Variants in ZNF423 observed in about 807,000 individuals in gnomAD.
ZNF423 encodes zinc finger protein 423, also known as Ebf-associated zinc finger protein.
A neutral mutation model predicts 95.8 loss-of-function variants in ZNF423; 12 were observed. That is an observed-to-expected ratio of 0.13 (90% CI 0.08 to 0.20). The LOEUF is 0.20. Ranked by LOEUF, ZNF423 falls within the 10% of genes least tolerant of loss-of-function variation. The pLI is 1.00. For synonymous variants in ZNF423, 749 were observed against 711.9 expected (o/e 1.05, Z -0.83); for missense variants, 1,316 against 1,737.1 (o/e 0.76, Z 4.31).
chr16:49,623,321 C>T (rs776582166), intron 5 of ZNF423, among the ~76,000 whole-genome samples: 3 of 152,190 alleles, frequency 2.0e-5, no homozygotes, highest in Non-Finnish European at 2.9e-5. Context: ...ATACACAGGC[C>T]CAAATGCCCC....
chr16:49,528,909 G>A (rs997246793), intron 5 of ZNF423, among the ~76,000 whole-genome samples: 10 of 151,958 alleles, frequency 6.6e-5, no homozygotes, highest in Non-Finnish European at 7.4e-5. Flanking sequence ...CCCCGCAGGC[G>A]CTGACAACCT....
At chr16:49,690,735 C>G (rs2031746433) in intron 3 of ZNF423, among the ~76,000 whole-genome samples, 1 of 152,062 alleles carries the variant, frequency 6.6e-6, no homozygotes, top group Non-Finnish European at 1.5e-5. Flanking sequence ...GGCGGTGCCT[C>G]CTGGAAGCCT....
chr16:49,581,081 A>G (rs923281050), intron 5 of ZNF423, among the ~76,000 whole-genome samples: 2 of 152,186 alleles, frequency 1.3e-5, no homozygotes, highest in Admixed American at 1.3e-4. Context: ...GTGGACAAAA[A>G]CAAACACATA....
intron 2 of ZNF423, among the ~76,000 whole-genome samples, chr16:49,738,063 C>A (rs72780354): frequency 6.6e-6 from 1 of 152,182 alleles, no homozygotes; most frequent in Non-Finnish European, 1.5e-5. Context: ...GAGAGACATG[C>A]GACAAACCAG....
chr16:49,510,422 C>T (rs1029198752), intron 7 of ZNF423, among the ~76,000 whole-genome samples: 4 of 152,196 alleles, frequency 2.6e-5, no homozygotes, highest in East Asian at 1.9e-4. Context: ...CTGAACCCTT[C>T]GCCGCAAAGC....
At chr16:49,650,565 G>C (rs1433223966) in intron 3 of ZNF423, among the ~76,000 whole-genome samples, 1 of 152,168 alleles carries the variant, frequency 6.6e-6, no homozygotes, top group East Asian at 1.9e-4. Context: ...TCTGTGCAGT[G>C]GTGGTGGTCA....
chr16:49,797,688 C>G (rs1157625355), intron 1 of ZNF423, among the ~76,000 whole-genome samples: 2 of 152,240 alleles, frequency 1.3e-5, no homozygotes, highest in African/African-American at 4.8e-5. Flanking sequence ...ATATGACAGT[C>G]ACATCACAAT....
rs1251122200 is a variant in ZNF423 at position 49,628,530 on chromosome 16, C to CACCT, written c.3517-2277_3517-2276insAGGT. On this transcript the variant is annotated intron_variant, in intron 4 of 7. Coordinates refer to ENST00000563137, the MANE Select transcript of ZNF423 (RefSeq NM_001379286.1). ...CCATCTACACACATATCCATCCATC[C>CACCT]ATCTATCCATCCATCCATCCATCCA... Among the ~76,000 whole-genome samples, 45 of 142,400 alleles carry CACCT rather than the reference C, an allele frequency of 3.2e-4. No individual in the cohort carries two copies. In the South Asian group the frequency reaches 3.7e-3, roughly 12 times the overall value. The allele number at this position is 142,400 out of a possible 152,430, so 93.4% of individuals were successfully genotyped here.
intron 5 of ZNF423, among the ~76,000 whole-genome samples, chr16:49,575,668 G>A (rs930074521): frequency 2.6e-5 from 4 of 152,200 alleles, no homozygotes; most frequent in African/African-American, 7.2e-5. Context: ...GGAGGGCACC[G>A]TGCTACCTCC....
In ZNF423 at chr16:49,636,774, T is replaced by C. The variant is rs369122179; in HGVS notation, c.2402A>G (p.Glu801Gly). The C allele has an allele frequency of 8.7e-6, 14 of 1,613,978 alleles. No homozygotes were observed. Among genetic ancestry groups the C allele is most frequent in the Non-Finnish European group, 1.2e-5 (14 of 1,180,010 alleles). The stretch of plus-strand genomic sequence containing the variant: ...GGTGATGTGGCACTGCAGCTCCACC[T>C]CGGTGCTGAAGGTCTCCCCACAGAA... The part of the protein sequence containing the change: ...CIFCGETFST[E>G]VELQCHITTH... Residue 801 changes from glutamate to glycine, a missense_variant, in exon 4 of 8, where the codon GAG (glutamate) becomes GGG (glycine). Coordinates refer to ENST00000563137, the MANE Select transcript of ZNF423 (RefSeq NM_001379286.1). The surrounding 1 kb of genome is among the most constrained non-coding windows in gnomAD (Gnocchi z 8.6).
chr16:49,504,904 G>A (rs966993963), intron 7 of ZNF423, among the ~76,000 whole-genome samples: 12 of 152,314 alleles, frequency 7.9e-5, no homozygotes, highest in African/African-American at 2.9e-4. Context: ...CCTATGGAAA[G>A]GCCTCACCTG....
At chr16:49,724,445 C>T (rs1292855499) in intron 3 of ZNF423, among the ~76,000 whole-genome samples, 1 of 152,220 alleles carries the variant, frequency 6.6e-6, no homozygotes, top group African/African-American at 2.4e-5. Flanking sequence ...GGAGCCCACA[C>T]CCAGCACCTG....
chr16:49,617,795 T>G (rs1294373170), intron 5 of ZNF423, among the ~76,000 whole-genome samples: 7 of 152,132 alleles, frequency 4.6e-5, no homozygotes, highest in African/African-American at 1.4e-4. Flanking sequence ...CCCTTCCATC[T>G]GATGCCACTG....
rs1474043488 is a variant in ZNF423, at chr16:49,855,642, C to T, written c.40+93G>A. The T allele has an allele frequency of 1.2e-5, 2 of 164,194 alleles. No individual in the cohort carries two copies. The highest frequency in any genetic ancestry group is 1.4e-4 in the South Asian group (1 of 7,224). 10.2% of individuals were successfully genotyped at this position (164,194 alleles called of 1,614,324 possible). ...CTCCTCTCGGCTCGCTCGCGCGGGT[C>T]CCCGGCAGCCAGCCCGCTCGCCGGT... On this transcript the variant is annotated intron_variant, in intron 1 of 7. Coordinates refer to ENST00000563137, the MANE Select transcript of ZNF423 (RefSeq NM_001379286.1). This position sits in a 1 kb window ranked among gnomAD's most constrained non-coding sequence, Gnocchi z 4.7.
chr16:49,704,582 G>A (rs1319262193), intron 3 of ZNF423, among the ~76,000 whole-genome samples: 1 of 152,222 alleles, frequency 6.6e-6, no homozygotes, highest in Non-Finnish European at 1.5e-5. Context: ...TGATAGAGAG[G>A]AAGATGCAGT....
chr16:49,493,014 A>G (rs1967033529), intron 7 of ZNF423, among the ~76,000 whole-genome samples: 1 of 152,090 alleles, frequency 6.6e-6, no homozygotes, highest in South Asian at 2.1e-4. Context: ...GCCGGGCCTG[A>G]CACCTCGGTC....
At chr16:49,819,038 G>A (rs1454410126) in intron 1 of ZNF423, among the ~76,000 whole-genome samples, 4 of 151,996 alleles carry the variant, frequency 2.6e-5, no homozygotes, top group Admixed American at 1.3e-4. Context: ...TGGATTACGA[G>A]GTCAAGAGAT....
chr16:49,512,470 T>A (rs1169831532), intron 7 of ZNF423, among the ~76,000 whole-genome samples: 11 of 152,248 alleles, frequency 7.2e-5, no homozygotes, highest in Admixed American at 7.2e-4. Flanking sequence ...GACTTGCTTA[T>A]GGTCATGGAG....
At chr16:49,850,754 G>A (rs1343759267) in intron 1 of ZNF423, among the ~76,000 whole-genome samples, 1 of 152,216 alleles carries the variant, frequency 6.6e-6, no homozygotes, top group African/African-American at 2.4e-5. Context: ...CTGCATGTCA[G>A]AAGTTGTTGA....
Sources: gnomAD v4.1 joint callset for allele counts (sites outside exome capture counted in the v4.1 genomes callset) on GRCh38, gnomAD v4.1.1 for gene constraint, Gnocchi (gnomAD v3.1) non-coding constraint, MANE v1.5 for transcripts, NCBI Gene and HGNC (gene_info 2026-07-23, HGNC 2026-07-21) for gene names.